PRRC2C: variants seen among roughly 807,000 people sequenced by gnomAD.
The protein encoded by PRRC2C is protein PRRC2C.
A neutral mutation model predicts 317.2 loss-of-function variants in PRRC2C; 72 were observed. That is an observed-to-expected ratio of 0.23 (90% CI 0.19 to 0.28). The LOEUF (loss-of-function observed/expected upper bound fraction) is 0.28, where lower values mean the gene tolerates loss of function less well. Ranked by LOEUF, PRRC2C falls within the 10% of genes least tolerant of loss-of-function variation. The probability of loss-of-function intolerance (pLI) is 1.00; values close to 1 mark genes in which losing one functional copy is unlikely to be tolerated. For synonymous variants in PRRC2C, 1,296 were observed against 1,205.9 expected (o/e 1.07, Z -1.55); for missense variants, 3,074 against 3,459.7 (o/e 0.89, Z 2.80).
At chr1:171,553,246 C>T (rs1390055586) in intron 18 of PRRC2C, among the ~76,000 whole-genome samples, 6 of 152,144 alleles carry the variant, frequency 3.9e-5, no homozygotes, top group Non-Finnish European at 7.4e-5. Context: ...AGTTTATGTG[C>T]GTAGAGGTGT....
At position 171,517,696 on chromosome 1, in the gene PRRC2C, A is replaced by G; in HGVS notation, c.632A>G (p.Glu211Gly). ...GQDESTAGTS[E>G]QNDILKVVEK... is the part of the protein sequence containing the mutation. ...GATGAAAGCACAGCTGGAACATCAG[A>G]GCAAAATGATATCCTCAAAGTGGTG... The change falls in exon 6 of 35, where the codon GAG becomes GGG. Residue 211 changes from glutamate to glycine, a missense_variant. Glu to Gly is a moderately conservative substitution (Grantham distance 98, BLOSUM62 -2). Coordinates refer to ENST00000647382, the MANE Select transcript of PRRC2C (RefSeq NM_001387844.1). The G allele has an allele frequency of 6.2e-7, 1 of 1,613,722 alleles. No homozygotes were observed. The highest frequency in any genetic ancestry group is 8.5e-7 in the Non-Finnish European group (1 of 1,179,846).
At chr1:171,538,115 T>C (rs1217855245) in intron 15 of PRRC2C, among the ~76,000 whole-genome samples, 1 of 152,126 alleles carries the variant, frequency 6.6e-6, no homozygotes, top group Non-Finnish European at 1.5e-5. Context: ...TTAGCCAGGA[T>C]GGTCTCGATC....
chr1:171,500,648 A>T (rs1668932502), intron 1 of PRRC2C, among the ~76,000 whole-genome samples: 1 of 152,170 alleles, frequency 6.6e-6, no homozygotes, highest in African/African-American at 2.4e-5. Context: ...CTATCCTTTC[A>T]TGAAAAACGT....
chr1:171,563,371 A>G (rs1484141346), intron 20 of PRRC2C, among the ~76,000 whole-genome samples: 2 of 152,124 alleles, frequency 1.3e-5, no homozygotes, highest in East Asian at 3.8e-4. Context: ...ATACCATATT[A>G]TTTAGGGAAT....
intron 34 of PRRC2C, among the ~76,000 whole-genome samples, chr1:171,590,739 C>G (rs1025461751): frequency 6.6e-6 from 1 of 152,140 alleles, no homozygotes; most frequent in African/African-American, 2.4e-5. Context: ...ATTAGAAATA[C>G]CAGTGTGAGT....
At chr1:171,574,161 A>G (rs1164859352) in intron 24 of PRRC2C, among the ~76,000 whole-genome samples, 1 of 152,060 alleles carries the variant, frequency 6.6e-6, no homozygotes, top group East Asian at 1.9e-4. Flanking sequence ...AATATTAAAA[A>G]AACTTATAAA....
At chr1:171,486,129 T>G (rs1376800674) in intron 1 of PRRC2C, among the ~76,000 whole-genome samples, 1 of 117,968 alleles carries the variant, frequency 8.5e-6, no homozygotes, top group South Asian at 2.9e-4. Context: ...TTTTTTTTTT[T>G]AGTGTCGGGT....
At chr1:171,551,941 G>A (rs559765270) in intron 18 of PRRC2C, among the ~76,000 whole-genome samples, 2 of 152,234 alleles carry the variant, frequency 1.3e-5, no homozygotes, top group East Asian at 1.9e-4. Context: ...TCTTGGCAAT[G>A]CGGGCTCTTT....
chr1:171,524,418 C>G (rs1674190163), intron 9 of PRRC2C, among the ~76,000 whole-genome samples: 1 of 152,062 alleles, frequency 6.6e-6, no homozygotes. Flanking sequence ...TTAAGAGATA[C>G]CTGTGGTTTG....
chr1:171,527,947 C>T lies in PRRC2C; in HGVS notation c.1254+103C>T, dbSNP rs575887341. The T allele has an allele frequency of 1.3e-5, 12 of 919,510 alleles. No individual in the cohort carries two copies. In the South Asian group the frequency reaches 1.7e-4, roughly 13 times the overall value. 57.0% of individuals were successfully genotyped at this position (919,510 alleles called of 1,614,324 possible). A position where few individuals can be genotyped will look rare whatever the true frequency, so the allele number is the denominator to read the frequency against. Reference sequence around the variant, plus strand: ...ATTCAAAACTTTTATGAAACAGTTACTAACTTTTTACCTTGTGACTCTTAC... The same window carrying T: ...ATTCAAAACTTTTATGAAACAGTTATTAACTTTTTACCTTGTGACTCTTAC... On this transcript the variant is annotated intron_variant, in intron 11 of 34. Transcript: ENST00000647382.
rs370200831 is a variant in PRRC2C at position 171,566,708 on chromosome 1, A to G, written c.6423A>G (p.Gln2141=). ...KDAQQVEPEG[Q]EKPSPATVRS... ...CCCAACAGGTGGAGCCAGAAGGACAAGAGAAACCAAGCCCAGCTACAGTCA... is the reference window on the plus strand; with the variant it reads ...CCCAACAGGTGGAGCCAGAAGGACAGGAGAAACCAAGCCCAGCTACAGTCA... The change falls in exon 22 of 35, where the codon CAA becomes CAG. Residue 2141 remains glutamine, a synonymous_variant. Transcript: ENST00000647382. 5.1e-5 allele frequency: 83 copies of G among 1,613,604 alleles called. No homozygotes were observed. Among genetic ancestry groups the G allele is most frequent in the Non-Finnish European group, 6.8e-5 (80 of 1,179,776 alleles).
At position 171,532,674 on chromosome 1, in the gene PRRC2C, G is replaced by A. The variant is rs983275711; in HGVS notation, c.1586G>A (p.Arg529Gln). 12 of 1,551,338 alleles carry A rather than the reference G, an allele frequency of 7.7e-6. No homozygotes were observed. The highest frequency in any genetic ancestry group is 6.9e-5 in the African/African-American group (5 of 72,922). ...KELEKEQEQE[R>Q]EKEREKDRER... ...CTTGAAAAAGAACAAGAACAGGAGC[G>A]AGAGAAGGAGAGGGAAAAAGACAGA... The change falls in exon 12 of 35, where the codon CGA becomes CAA. Residue 529 changes from arginine (R) to glutamine (Q), a missense_variant. Physicochemically the swap from Arg to Gln is conservative, Grantham distance 43. Transcript: ENST00000647382.
chr1:171,577,731 A>C, intron 26 of PRRC2C, 94 bp downstream of exon 26: 1 of 1,035,098 alleles, frequency 9.7e-7, no homozygotes, highest in East Asian at 2.5e-5. Flanking sequence ...AGCTAAGCAT[A>C]AGGCTCTTAA....
At chr1:171,488,638 CA>C (rs1194188532) in intron 1 of PRRC2C, among the ~76,000 whole-genome samples, 2 of 152,162 alleles carry the variant, frequency 1.3e-5, no homozygotes, top group Non-Finnish European at 2.9e-5. Flanking sequence ...TTGCCAGTTA[CA>C]TTTCTAGTCC....
At chr1:171,588,862 G>T (rs867975787) in intron 33 of PRRC2C, among the ~76,000 whole-genome samples, 5 of 152,082 alleles carry the variant, frequency 3.3e-5, no homozygotes, top group Non-Finnish European at 5.9e-5. Flanking sequence ...AGATATTTAT[G>T]TGCAATTGAG....
intron 1 of PRRC2C, among the ~76,000 whole-genome samples, chr1:171,509,240 G>C (rs954577176): frequency 6.6e-5 from 10 of 152,138 alleles, no homozygotes; most frequent in Admixed American, 6.6e-4. Context: ...TGTTTAGTAG[G>C]CTTGCTTCTT....
chr1:171,553,961 G>A (rs574420265), intron 18 of PRRC2C, among the ~76,000 whole-genome samples: 9 of 152,302 alleles, frequency 5.9e-5, no homozygotes, highest in African/African-American at 1.4e-4. Flanking sequence ...GGGGTGGAGA[G>A]TTCTGTAGAT....
chr1:171,568,176 CAAAA>C, intron 22 of PRRC2C, 67 bp from the exon 23 acceptor site: 2 of 1,479,062 alleles, frequency 1.4e-6, no homozygotes, highest in Non-Finnish European at 9.0e-7. Flanking sequence ...TAGCGAGACT[CAAAA>C]AAAAGAGGAA....
chr1:171,574,845 T>C (rs561545446), intron 24 of PRRC2C, 82 bp from the exon 25 acceptor site: 1 of 1,312,988 alleles, frequency 7.6e-7, no homozygotes, highest in African/African-American at 1.5e-5. Context: ...TATTTGGCAC[T>C]TAAATACTGA....
Sources: gnomAD v4.1 joint callset for allele counts (sites outside exome capture counted in the v4.1 genomes callset) on GRCh38, gnomAD v4.1.1 for gene constraint, MANE v1.5 for transcripts, NCBI Gene and HGNC (gene_info 2026-07-23, HGNC 2026-07-21) for gene names.